Variants in SLIT2 observed in about 807,000 individuals in gnomAD.
SLIT2 encodes the protein slit homolog 2 protein.
Under a neutral mutation model 185.7 loss-of-function variants are expected in SLIT2, and 41 were observed. That is an observed-to-expected ratio of 0.22 (90% CI 0.17 to 0.29). The LOEUF is 0.29. Among genes scored for constraint, SLIT2 ranks in the 10% least tolerant of loss-of-function variants. The pLI is 1.00. For synonymous variants in SLIT2, 693 were observed against 680.2 expected (o/e 1.02, Z -0.29); for missense variants, 1,571 against 1,909.0 (o/e 0.82, Z 3.30).
intron 4 of SLIT2, among the ~76,000 whole-genome samples, chr4:20,335,788 A>G (rs1271407963): frequency 2.0e-5 from 3 of 152,158 alleles, no homozygotes; most frequent in African/African-American, 7.2e-5. Context: ...TCAGAGAAAT[A>G]TTACTGTCTA....
At chr4:20,569,349 G>A in intron 29 of SLIT2, 1 of 233,448 alleles carries the variant, frequency 4.3e-6, no homozygotes. Flanking sequence ...GTGTAAAGAG[G>A]ACATTTATTT....
intron 4 of SLIT2, among the ~76,000 whole-genome samples, chr4:20,390,779 A>ATATATAT (rs71181562): frequency 2.1e-5 from 3 of 142,574 alleles, no homozygotes; most frequent in African/African-American, 7.4e-5. Context: ...TTTAAAAAAA[A>ATATATAT]ATATATATAT....
chr4:20,454,164 A>G (rs948580455), intron 4 of SLIT2, among the ~76,000 whole-genome samples: 2 of 152,176 alleles, frequency 1.3e-5, no homozygotes, highest in African/African-American at 4.8e-5. Context: ...ACCTCTCCCC[A>G]GTCTTCCCTG....
chr4:20,588,961 G>A (rs1266409229), intron 29 of SLIT2, among the ~76,000 whole-genome samples: 3 of 152,142 alleles, frequency 2.0e-5, no homozygotes, highest in Non-Finnish European at 4.4e-5. Flanking sequence ...GAAGTTTTCT[G>A]TTGAGCTGCG....
chr4:20,409,699 C>G (rs1177209474), intron 4 of SLIT2, among the ~76,000 whole-genome samples: 8 of 152,140 alleles, frequency 5.3e-5, no homozygotes, highest in Non-Finnish European at 1.5e-5. Flanking sequence ...CAATGTAAAA[C>G]CATTCCTTTT....
intron 4 of SLIT2, among the ~76,000 whole-genome samples, chr4:20,320,553 G>A (rs1346587600): frequency 6.6e-6 from 1 of 152,016 alleles, no homozygotes; most frequent in African/African-American, 2.4e-5. Flanking sequence ...AAATGCATTT[G>A]TCATGTTCTC....
intron 3 of SLIT2, among the ~76,000 whole-genome samples, chr4:20,261,331 G>A (rs949102762): frequency 2.6e-5 from 4 of 151,862 alleles, no homozygotes; most frequent in African/African-American, 9.7e-5. Flanking sequence ...TAAGAATCAG[G>A]ACACTTAGGA....
chr4:20,514,446 G>T (rs1183419727), intron 11 of SLIT2, among the ~76,000 whole-genome samples: 1 of 151,998 alleles, frequency 6.6e-6, no homozygotes, highest in Non-Finnish European at 1.5e-5. Context: ...TTCAAGACTG[G>T]CCTGGCCAAC....
chr4:20,383,714 T>C lies in SLIT2; in HGVS notation c.396-84038T>C, dbSNP rs1332156522. Among the ~76,000 whole-genome samples, 5 of 152,170 alleles carry C rather than the reference T, an allele frequency of 3.3e-5. No homozygotes were observed. The East Asian group carries it at 7.7e-4, about 23-fold the overall frequency. On this transcript the variant is annotated intron_variant, in intron 4 of 36. Transcript: ENST00000504154. ...ATATGACCAGTGTTACTATTCTTTT[T>C]TTTTAAGCTGGAGCCTCACTCTGTG...
At chr4:20,463,103 C>T (rs566987502) in intron 4 of SLIT2, among the ~76,000 whole-genome samples, 10 of 152,020 alleles carry the variant, frequency 6.6e-5, no homozygotes, top group African/African-American at 7.2e-5. Flanking sequence ...TGGTAAGCAC[C>T]GTGACCCAAG....
rs187373372 is a variant in SLIT2, at chr4:20,307,311, G to A, written c.395+38430G>A. ...TAAGGGTCTCCTTGTCACCCAGGCAGGAGTGCAGTGGCGCCATCATAGCTC... is the reference window on the plus strand; with the variant it reads ...TAAGGGTCTCCTTGTCACCCAGGCAAGAGTGCAGTGGCGCCATCATAGCTC... On this transcript the variant is annotated intron_variant, in intron 4 of 36. Coordinates refer to ENST00000504154, the MANE Select transcript of SLIT2 (RefSeq NM_004787.4). Among the ~76,000 whole-genome samples the A allele has an allele frequency of 1.6e-3, 225 of 144,822 alleles. 1 individual carries two copies. Among genetic ancestry groups the A allele is most frequent in the African/African-American group, 5.7e-3 (219 of 38,110 alleles).
rs1445996570 is a variant in SLIT2 at position 20,589,658 on chromosome 4, G to A, written c.3103G>A (p.Glu1035Lys). The change falls in exon 30 of 37, where the codon GAG becomes AAG. Residue 1035 changes from glutamate (E) to lysine (K), a missense_variant. Glu to Lys is a moderately conservative substitution (Grantham distance 56). Transcript: ENST00000504154. ...PPEYTGELCEEKLDFCAQDLN... is the reference protein window; with the variant it reads ...PPEYTGELCEKKLDFCAQDLN... ...CCCTGTTGCAGGTGAGTTGTGTGAG[G>A]AGAAGCTGGACTTCTGTGCCCAGGA... The A allele has an allele frequency of 6.2e-7, 1 of 1,613,730 alleles. No individual in the cohort carries two copies. The highest frequency in any genetic ancestry group is 8.5e-7 in the Non-Finnish European group (1 of 1,179,892).
At chr4:20,529,608 ATGC>A (rs1721603961) in intron 16 of SLIT2, among the ~76,000 whole-genome samples, 1 of 152,210 alleles carries the variant, frequency 6.6e-6, no homozygotes. Context: ...TTTCTGAACA[ATGC>A]AAGAAAAGCT....
intron 36 of SLIT2, 123 bp downstream of exon 36, chr4:20,617,773 G>C (rs1729797395): frequency 3.0e-6 from 2 of 671,896 alleles, no homozygotes; most frequent in East Asian, 5.4e-5. Context: ...GACAGAGAGA[G>C]GGGAGTGACA....
At chr4:20,345,491 CT>C (rs1001641646) in intron 4 of SLIT2, among the ~76,000 whole-genome samples, 16 of 139,604 alleles carry the variant, frequency 1.1e-4, no homozygotes, top group Middle Eastern at 3.4e-3. Context: ...ATACTTATTT[CT>C]TTTTTTTTTC....
chr4:20,358,059 G>A (rs1281677310), intron 4 of SLIT2, among the ~76,000 whole-genome samples: 2 of 152,120 alleles, frequency 1.3e-5, no homozygotes, highest in African/African-American at 4.8e-5. Flanking sequence ...AAGACCTGTG[G>A]TTGGATGACG....
intron 26 of SLIT2, among the ~76,000 whole-genome samples, chr4:20,559,045 T>C (rs1310321652): frequency 6.6e-6 from 1 of 151,790 alleles, no homozygotes; most frequent in Non-Finnish European, 1.5e-5. Flanking sequence ...ATGACATAAG[T>C]GGACAAGCAG....
At chr4:20,559,999 T>G (rs1724569655) in intron 26 of SLIT2, among the ~76,000 whole-genome samples, 1 of 151,926 alleles carries the variant, frequency 6.6e-6, no homozygotes, top group African/African-American at 2.4e-5. Context: ...AATAATTCAT[T>G]CAAGGAAATC....
intron 4 of SLIT2, among the ~76,000 whole-genome samples, chr4:20,460,070 G>A (rs899616593): frequency 1.3e-5 from 2 of 151,808 alleles, no homozygotes; most frequent in Non-Finnish European, 2.9e-5. Context: ...CACCATGTTG[G>A]CCAGTCTGGT....
Sources: allele counts gnomAD v4.1 joint callset (sites outside exome capture counted in the v4.1 genomes callset), GRCh38; gene constraint gnomAD v4.1.1; transcripts MANE v1.5; gene names NCBI Gene and HGNC (gene_info 2026-07-23, HGNC 2026-07-21).